THSD4: variants seen among roughly 807,000 people sequenced by gnomAD.
THSD4 encodes thrombospondin type-1 domain-containing protein 4.
THSD4 carries 69 observed loss-of-function variants against 119.0 expected under a neutral mutation model. That is an observed-to-expected ratio of 0.58 (90% CI 0.48 to 0.71). THSD4 has a LOEUF of 0.71. THSD4 is among the 30% of genes least tolerant of loss of function. THSD4 has a pLI of 0.00. For synonymous variants in THSD4, 524 were observed against 540.4 expected (o/e 0.97, Z 0.42); for missense variants, 1,393 against 1,391.1 (o/e 1.00, Z -0.02).
At chr15:71,156,805 A>G (rs780965671) in intron 3 of THSD4, among the ~76,000 whole-genome samples, 8 of 152,170 alleles carry the variant, frequency 5.3e-5, no homozygotes, top group Non-Finnish European at 7.3e-5. Flanking sequence ...GGTCTTGTTC[A>G]TGGCCCTATT....
At chr15:71,555,168 C>T (rs896459363) in intron 7 of THSD4, among the ~76,000 whole-genome samples, 1 of 152,144 alleles carries the variant, frequency 6.6e-6, no homozygotes, top group Non-Finnish European at 1.5e-5. Context: ...TTCCAGAATG[C>T]AGTACTGAAT....
intron 8 of THSD4, among the ~76,000 whole-genome samples, chr15:71,700,625 T>A (rs7172143): frequency 0.16 from 24,031 of 151,950 alleles, 2,156 homozygotes; most frequent in East Asian, 0.38. Context: ...AGCTTTTGAA[T>A]AAAGATGAAG....
At chr15:71,379,703 C>T (rs1006443291) in intron 6 of THSD4, among the ~76,000 whole-genome samples, 2 of 151,874 alleles carry the variant, frequency 1.3e-5, no homozygotes, top group African/African-American at 4.8e-5. Flanking sequence ...CGTGATCCAC[C>T]CGCCTCGGCC....
chr15:71,188,380 G>A (rs767510314), intron 3 of THSD4, among the ~76,000 whole-genome samples: 17 of 152,166 alleles, frequency 1.1e-4, no homozygotes, highest in East Asian at 5.8e-4. Flanking sequence ...TCTGGGAAGA[G>A]GAGAGCAGGA....
chr15:71,143,363 A>G (rs1596221804), intron 2 of THSD4, among the ~76,000 whole-genome samples: 2 of 152,292 alleles, frequency 1.3e-5, no homozygotes, highest in African/African-American at 4.8e-5. Context: ...ATACTGTTAT[A>G]AAACTATAGG....
intron 8 of THSD4, among the ~76,000 whole-genome samples, chr15:71,695,174 C>T (rs552274381): frequency 6.6e-6 from 1 of 152,328 alleles, no homozygotes; most frequent in Non-Finnish European, 1.5e-5. Context: ...CTCTCTTCCT[C>T]TCTTGACTTT....
rs775165819 is a variant in THSD4, at chr15:71,412,992, C to CTTTTA, written c.1152+1185_1152+1189dup. Among the ~76,000 whole-genome samples the CTTTTA allele has an allele frequency of 3.4e-4, 51 of 152,112 alleles. 1 individual carries two copies. The highest frequency in any genetic ancestry group is 4.6e-4 in the Non-Finnish European group (31 of 67,948). The stretch of plus-strand genomic sequence containing the variant: ...GTATTAGGAACATTCCAGTGCTACT[C>CTTTTA]TTTTATTTTATTTTATTTTACTTTA... On this transcript the variant is annotated intron_variant, in intron 7 of 17. Coordinates refer to ENST00000261862, the MANE Select transcript of THSD4 (RefSeq NM_024817.3).
upstream of THSD4, chr15:71,111,552 A>G: frequency 1.4e-6 from 1 of 691,346 alleles, no homozygotes; most frequent in Non-Finnish European, 2.4e-6. Flanking sequence ...TGTTTTGTTT[A>G]CCATGCCTCC....
intron 7 of THSD4, among the ~76,000 whole-genome samples, chr15:71,464,015 T>C (rs544066688): frequency 4.6e-5 from 7 of 152,348 alleles, no homozygotes; most frequent in African/African-American, 1.7e-4. Context: ...CAGGCTCTTC[T>C]GGTTAGTTCT....
chr15:71,111,833 A>T (rs1040088449), upstream of THSD4: 29 of 530,746 alleles, frequency 5.5e-5, no homozygotes, highest in African/African-American at 5.4e-4. Context: ...GGTTTGTAAG[A>T]GCTGAGAGCA....
chr15:71,771,794 C>G (rs2053827905), intron 17 of THSD4, among the ~76,000 whole-genome samples: 1 of 152,202 alleles, frequency 6.6e-6, no homozygotes, highest in Admixed American at 6.5e-5. Flanking sequence ...CCCCAACCTG[C>G]ACCCTTGAAA....
At chr15:71,104,369 T>C (rs2040265465) in intron 1 of THSD4, among the ~76,000 whole-genome samples, 1 of 152,168 alleles carries the variant, frequency 6.6e-6, no homozygotes, top group African/African-American at 2.4e-5. Context: ...TTTTTCTCCA[T>C]CCCAAGAAGT....
At chr15:71,389,776 C>A (rs1345678977) in intron 6 of THSD4, among the ~76,000 whole-genome samples, 1 of 148,586 alleles carries the variant, frequency 6.7e-6, no homozygotes, top group Non-Finnish European at 1.5e-5. Flanking sequence ...CCAATTTATC[C>A]ACATCCTTGC....
chr15:71,111,986 G>A, upstream of THSD4: 4 of 879,236 alleles, frequency 4.5e-6, no homozygotes, highest in Admixed American at 2.8e-5. Flanking sequence ...TAAGAAAACT[G>A]TGTTCCCCAT....
chr15:71,201,526 AC>A (rs1447500005), intron 3 of THSD4, among the ~76,000 whole-genome samples: 1 of 152,216 alleles, frequency 6.6e-6, no homozygotes, highest in Non-Finnish European at 1.5e-5. Flanking sequence ...CTCCAAGGGC[AC>A]CTTTGGTCTC....
intron 15 of THSD4, among the ~76,000 whole-genome samples, chr15:71,759,092 G>A (rs915025516): frequency 1.3e-5 from 2 of 152,210 alleles, no homozygotes; most frequent in African/African-American, 4.8e-5. Flanking sequence ...GACAGCGATC[G>A]TTAGGAAGAT....
chr15:71,733,951 A>ATTGTTGTTGTTGTTGTTGTTG (rs57720319), intron 10 of THSD4: 2 of 140,194 alleles, frequency 1.4e-5, no homozygotes, highest in Non-Finnish European at 3.0e-5. Flanking sequence ...GAAAGCCCTA[A>ATTGTTGTTGTTGTTGTTGTTG]TTGTTGTTGT....
intron 7 of THSD4, among the ~76,000 whole-genome samples, chr15:71,639,685 TATTAA>T (rs2050816156): frequency 2.0e-5 from 3 of 152,164 alleles, no homozygotes; most frequent in African/African-American, 7.2e-5. Flanking sequence ...TTAAACAACT[TATTAA>T]ATTGTGAATC....
chr15:71,628,162 A>G (rs28570121), intron 7 of THSD4, among the ~76,000 whole-genome samples: 4,050 of 152,206 alleles, frequency 0.027, 181 homozygotes, highest in African/African-American at 0.089. Flanking sequence ...AAAGCCTTCA[A>G]AGTGATTCTA....
Sources: gnomAD v4.1 joint callset for allele counts (sites outside exome capture counted in the v4.1 genomes callset) on GRCh38, gnomAD v4.1.1 for gene constraint, MANE v1.5 for transcripts, NCBI Gene and HGNC (gene_info 2026-07-23, HGNC 2026-07-21) for gene names.